Variants in CCDC196 observed in about 807,000 individuals in gnomAD.
CCDC196 encodes coiled-coil domain containing 196, also known as coiled-coil domain-containing protein 196.
chr14:66,487,971 G>C lies in CCDC196; in HGVS notation c.204-189G>C, dbSNP rs535205152. On this transcript the variant is annotated intron_variant, in intron 2 of 9. Transcript: ENST00000636229. Reference sequence around the variant, plus strand: ...GAATTCATTCTAGAGCACATAGATAGGCAAATGTCAATTAGAAATGGAAAC... The same window carrying C: ...GAATTCATTCTAGAGCACATAGATACGCAAATGTCAATTAGAAATGGAAAC... Among the ~76,000 whole-genome samples the C allele has an allele frequency of 3.9e-5, 6 of 152,200 alleles. No homozygotes were observed. In the South Asian group the frequency reaches 1.0e-3, roughly 26 times the overall value.
Position 66,486,446 on chromosome 14 carries a change from A to G in CCDC196, c.-57A>G. ...CAAAAATAATGACTTAACTGGATAG[A>G]AAAAAAGGCACATATTTTCAGGAAG... On this transcript the variant is annotated 5_prime_UTR_variant, in exon 1 of 10. Transcript: ENST00000636229. The G allele has an allele frequency of 2.5e-6, 1 of 402,186 alleles. No individual in the cohort carries two copies. Among genetic ancestry groups the G allele is most frequent in the Non-Finnish European group, 4.4e-6 (1 of 225,702 alleles). The allele number at this position is 402,186 out of a possible 1,614,324, so 24.9% of individuals were successfully genotyped here. A position where few individuals can be genotyped will look rare whatever the true frequency, so the allele number is the denominator to read the frequency against.
At chr14:66,488,089 G>T in intron 2 of CCDC196, 71 bp from the exon 3 acceptor site, 1 of 410,294 alleles carries the variant, frequency 2.4e-6, no homozygotes, top group South Asian at 1.3e-4. Flanking sequence ...AGTACTTTCT[G>T]ACTAGTTGCA....
Position 66,486,810 on chromosome 14 carries a change from G to A in CCDC196, c.203+1G>A. ...CTAACTTGGAGGAAAAACAAAGGAG[G>A]TACGGGCTCTTACTCTGGATTCCTA... is the stretch of plus-strand genomic sequence containing the variant. On this transcript the variant is annotated splice_donor_variant, in intron 2 of 9. Transcript: ENST00000636229. LOFTEE classifies it high-confidence loss of function. 1 of 413,084 alleles carries A rather than the reference G, an allele frequency of 2.4e-6. No individual in the cohort carries two copies. Among genetic ancestry groups the A allele is most frequent in the Non-Finnish European group, 4.4e-6 (1 of 226,018 alleles). 25.6% of individuals were successfully genotyped at this position (413,084 alleles called of 1,614,324 possible).
chr14:66,493,543 A>C (rs559280756), intron 8 of CCDC196, among the ~76,000 whole-genome samples: 1 of 152,286 alleles, frequency 6.6e-6, no homozygotes, highest in South Asian at 2.1e-4. Context: ...TCAGAATCTA[A>C]ATTTCCTAGG....
At chr14:66,491,818 T>C (rs938989504) in intron 7 of CCDC196, 133 bp downstream of exon 7, 2 of 411,658 alleles carry the variant, frequency 4.9e-6, no homozygotes, top group Non-Finnish European at 8.8e-6. Flanking sequence ...AAATGTATCA[T>C]AGAAAGATAG....
At chr14:66,488,788 G>T (rs2057467552) in intron 3 of CCDC196, among the ~76,000 whole-genome samples, 199 bp from the exon 4 acceptor site, 1 of 151,652 alleles carries the variant, frequency 6.6e-6, no homozygotes, top group South Asian at 2.1e-4. Context: ...ACAATAACTT[G>T]GTTTTTTTTT....
chr14:66,496,313 G>A, intron 8 of CCDC196: 1 of 456,250 alleles, frequency 2.2e-6, no homozygotes, highest in South Asian at 1.5e-5. Flanking sequence ...TGTGCTGGTT[G>A]GCTGAGTTGC....
At chr14:66,497,103 CGGAAAACCACA>C (rs2057685165) in intron 8 of CCDC196, among the ~76,000 whole-genome samples, 1 of 152,098 alleles carries the variant, frequency 6.6e-6, no homozygotes. Flanking sequence ...AGGGCAGGGG[CGGAAAACCACA>C]GCTAGCTCAA....
At chr14:66,487,826 A>G (rs369308471) in intron 2 of CCDC196, among the ~76,000 whole-genome samples, 185 of 152,266 alleles carry the variant, frequency 1.2e-3, no homozygotes, top group African/African-American at 4.1e-3. Flanking sequence ...CTCTTCTTAT[A>G]AAGGGGGCAG....
chr14:66,493,942 T>C (rs1029962600), intron 8 of CCDC196: 1 of 152,178 alleles, frequency 6.6e-6, no homozygotes, highest in African/African-American at 2.4e-5. Context: ...GGGATCTATA[T>C]GGTAAAGAGC....
At chr14:66,488,331 G>C (rs1271260015) in intron 3 of CCDC196, 75 bp downstream of exon 3, 1 of 406,726 alleles carries the variant, frequency 2.5e-6, no homozygotes, top group Non-Finnish European at 4.5e-6. Context: ...GATGTGGAGA[G>C]AAAGACAGAG....
chr14:66,495,225 A>C (rs2057635067), intron 8 of CCDC196, among the ~76,000 whole-genome samples: 1 of 152,138 alleles, frequency 6.6e-6, no homozygotes, highest in African/African-American at 2.4e-5. Context: ...AATTTTGGCA[A>C]ATTGTAATTT....
chr14:66,498,051 GTT>G (rs149541244), intron 8 of CCDC196, 56 bp from the exon 9 acceptor site: 1,066 of 348,766 alleles, frequency 3.1e-3, no homozygotes, highest in East Asian at 0.013. Flanking sequence ...AAAACTAGTG[GTT>G]TTTTTTTTTT....
At chr14:66,488,922 C>A in intron 3 of CCDC196, 65 bp from the exon 4 acceptor site, 1 of 412,708 alleles carries the variant, frequency 2.4e-6, no homozygotes, top group South Asian at 1.3e-4. Context: ...TAACTTCTTC[C>A]AAACCCACTT....
chr14:66,489,829 C>G (rs971113047), intron 4 of CCDC196, among the ~76,000 whole-genome samples: 4 of 152,156 alleles, frequency 2.6e-5, no homozygotes, highest in Non-Finnish European at 4.4e-5. Flanking sequence ...GGGCCTTTTG[C>G]TGGGAAACCA....
intron 2 of CCDC196, 34 bp from the exon 3 acceptor site, chr14:66,488,126 T>C (rs2057451801): frequency 4.8e-6 from 2 of 412,462 alleles, no homozygotes; most frequent in South Asian, 1.3e-4. Context: ...CTTAAGGAGG[T>C]ATGTATGTTT....
At position 66,486,781 on chromosome 14, in the gene CCDC196, A is replaced by T. The variant is rs938214511; in HGVS notation, c.175A>T (p.Met59Leu). Residue 59 changes from methionine to leucine, a missense_variant, in exon 2 of 10, where the codon ATG (methionine) becomes TTG (leucine). Coordinates refer to ENST00000636229, the MANE Select transcript of CCDC196 (RefSeq NM_001351576.1). ...AAACAACCTCTTATTTCAAAAGTTA[A>T]TGTCTAACTTGGAGGAAAAACAAAG... Reference protein sequence around the residue: ...DKNNLLFQKLMSNLEEKQRSL... With the variant: ...DKNNLLFQKLLSNLEEKQRSL... 10 of 413,242 alleles carry T rather than the reference A, an allele frequency of 2.4e-5. No individual in the cohort carries two copies. Among genetic ancestry groups the T allele is most frequent in the Admixed American group, 4.4e-5 (1 of 22,718 alleles). The allele number at this position is 413,242 out of a possible 1,614,324, so 25.6% of individuals were successfully genotyped here. A position where few individuals can be genotyped will look rare whatever the true frequency, so the allele number is the denominator to read the frequency against.
At chr14:66,490,516 T>C (rs2057511135) in intron 4 of CCDC196, among the ~76,000 whole-genome samples, 1 of 152,006 alleles carries the variant, frequency 6.6e-6, no homozygotes, top group Non-Finnish European at 1.5e-5. Flanking sequence ...GAGTAGTGAC[T>C]GGCTAAGGGT....
intron 8 of CCDC196, chr14:66,496,100 C>CT: frequency 3.1e-6 from 1 of 325,040 alleles, no homozygotes; most frequent in Non-Finnish European, 6.1e-6. Flanking sequence ...GTATACTTAA[C>CT]AGTGTTACAG....
Sources: gnomAD v4.1 joint callset for allele counts (sites outside exome capture counted in the v4.1 genomes callset) on GRCh38, gnomAD v4.1.1 for gene constraint, MANE v1.5 for transcripts, NCBI Gene and HGNC (gene_info 2026-07-23, HGNC 2026-07-21) for gene names.